The following CMTR2 variants were observed in gnomAD, a reference collection of about 807,000 sequenced individuals.
The protein encoded by CMTR2 is cap-specific mRNA (nucleoside-2'-O-)-methyltransferase 2.
In CMTR2, 40 loss-of-function variants were observed where a neutral mutation model predicts 49.8. That is an observed-to-expected ratio of 0.80 (90% confidence interval 0.62 to 1.04). The LOEUF (loss-of-function observed/expected upper bound fraction) is 1.04. CMTR2 is among the 50% of genes least tolerant of loss of function. The pLI is 0.00. For synonymous variants in CMTR2, 326 were observed against 315.8 expected (o/e 1.03, Z -0.34); for missense variants, 907 against 897.2 (o/e 1.01, Z -0.14).
intron 2 of CMTR2, chr16:71,286,389 C>A (rs1377294934): frequency 1.3e-5 from 2 of 152,918 alleles, no homozygotes; most frequent in African/African-American, 4.8e-5. Flanking sequence ...CAAATCCATC[C>A]TTAGAGATTC....
Position 71,285,429 on chromosome 16 carries a change from A to G in CMTR2, c.492T>C (p.Pro164=). The G allele has an allele frequency of 6.2e-7, 1 of 1,614,174 alleles. No individual in the cohort carries two copies. The highest frequency in any genetic ancestry group is 8.5e-7 in the Non-Finnish European group (1 of 1,179,998). ...LNHYLKSHRF[P]CHWSWVANTL... ...TATTCGCTACCCAACTCCAATGACA[A>G]GGAAACCGATGGGATTTTAAGTAGT... is the stretch of plus-strand genomic sequence containing the variant. The change falls in exon 3 of 3, where the codon CCT becomes CCC. Residue 164 remains proline, a synonymous_variant. Transcript: ENST00000434935.
chr16:71,287,824 TTAAAA>T (rs2041755759), intron 2 of CMTR2: 1 of 152,242 alleles, frequency 6.6e-6, no homozygotes, highest in Non-Finnish European at 1.5e-5. Flanking sequence ...CACTAAAATC[TTAAAA>T]TAAGGGCATA....
rs2041642248 is a variant in CMTR2, at chr16:71,283,296, C to A, written c.*312G>T. The stretch of plus-strand genomic sequence containing the variant: ...AAGGTACACAGATGCAAATCTTAAG[C>A]AGATTAAGTAAGACCAACTAAATGG... On this transcript the variant is annotated 3_prime_UTR_variant, in exon 3 of 3. Coordinates refer to ENST00000434935, the MANE Select transcript of CMTR2 (RefSeq NM_018348.6). 7.7e-6 allele frequency: 2 copies of A among 258,504 alleles called. No homozygotes were observed. The highest frequency in any genetic ancestry group is 5.0e-5 in the Admixed American group (1 of 19,820). 16.0% of individuals were successfully genotyped at this position (258,504 alleles called of 1,614,324 possible). A position where few individuals can be genotyped will look rare whatever the true frequency, so the allele number is the denominator to read the frequency against.
At position 71,283,640 on chromosome 16, in the gene CMTR2, C is replaced by A; in HGVS notation, c.2281G>T (p.Glu761Ter). 6.2e-7 allele frequency: 1 copy of A among 1,611,848 alleles called. No homozygotes were observed. Among genetic ancestry groups the A allele is most frequent in the Non-Finnish European group, 8.5e-7 (1 of 1,178,966 alleles). Residue 761 changes from glutamate to a stop codon, truncating the protein, a stop_gained, in exon 3 of 3, where the codon GAA (glutamate) becomes TAA (stop). Transcript: ENST00000434935. LOFTEE classifies it high-confidence loss of function. ...LHFIIQRERE[E>*]IINSLQLQN is the part of the protein sequence containing the mutation. ...TGTAACTGAAGGCTGTTGATAATTT[C>A]TTCTCTCTCTCTTTGAATAATGAAA...
Position 71,283,563 on chromosome 16 carries a change from G to T in CMTR2, c.*45C>A. 6.4e-7 allele frequency: 1 copy of T among 1,551,766 alleles called. No homozygotes were observed. The highest frequency in any genetic ancestry group is 8.7e-7 in the Non-Finnish European group (1 of 1,153,866). On this transcript the variant is annotated 3_prime_UTR_variant, in exon 3 of 3. Transcript: ENST00000434935. Reference sequence around the variant, plus strand: ...TAGAGCAACAGGATGCAAATACTGGGCAAATTATAAGAAATCATAAAGTTG... The same window carrying T: ...TAGAGCAACAGGATGCAAATACTGGTCAAATTATAAGAAATCATAAAGTTG...
rs761904935 is a variant in CMTR2, at chr16:71,283,719, G to A, written c.2202C>T (p.Ala734=). 2 of 1,613,718 alleles carry A rather than the reference G, an allele frequency of 1.2e-6. No homozygotes were observed. The highest frequency in any genetic ancestry group is 2.7e-5 in the African/African-American group (2 of 74,872). The change falls in exon 3 of 3, where the codon GCC becomes GCT. Residue 734 remains alanine, a synonymous_variant. Transcript: ENST00000434935. ...TCAAATCCCACAAAAAATCAAGCAG[G>A]GCCCCCTTAAGGAGTACCTCCATTG... is the stretch of plus-strand genomic sequence containing the variant. ...FVPMEVLLKG[A]LLDFLWDLNA...
Position 71,282,593 on chromosome 16 carries a change from G to A in CMTR2, c.*1015C>T, listed in dbSNP as rs2041628680. Reference sequence around the variant, plus strand: ...GATACAAAAGAAATCAAATGTAACTGGCAAAATAACCATTTCATGGCTAAT... The same window carrying A: ...GATACAAAAGAAATCAAATGTAACTAGCAAAATAACCATTTCATGGCTAAT... On this transcript the variant is annotated 3_prime_UTR_variant, in exon 3 of 3. Transcript: ENST00000434935. 1 of 151,836 alleles carries A rather than the reference G, an allele frequency of 6.6e-6. No homozygotes were observed. Among genetic ancestry groups the A allele is most frequent in the African/African-American group, 2.4e-5 (1 of 41,350 alleles). The allele number at this position is 151,836 out of a possible 1,614,324, so 9.4% of individuals were successfully genotyped here.
intron 2 of CMTR2, 45 bp downstream of exon 2, chr16:71,288,833 G>C (rs2041777844): frequency 6.6e-6 from 1 of 152,118 alleles, no homozygotes; most frequent in Non-Finnish European, 1.5e-5. Context: ...GCCCAAATTA[G>C]TGAACCCAAA....
At position 71,284,472 on chromosome 16, in the gene CMTR2, T is replaced by C; in HGVS notation, c.1449A>G (p.Glu483=). The C allele has an allele frequency of 1.2e-6, 2 of 1,614,004 alleles. No homozygotes were observed. The highest frequency in any genetic ancestry group is 1.7e-6 in the Non-Finnish European group (2 of 1,179,952). ...VYHPGQSSIL[E]GTASNLECHL... ...GACACTCAAGATTGGAAGCTGTTCC[T>C]TCTAAAATAGAACTCTGCCCAGGAT... The change falls in exon 3 of 3, where the codon GAA becomes GAG. Residue 483 remains glutamate (E), a synonymous_variant. Coordinates refer to ENST00000434935, the MANE Select transcript of CMTR2 (RefSeq NM_018348.6).
chr16:71,283,538 T>G lies in CMTR2; in HGVS notation c.*70A>C. 1 of 1,506,420 alleles carries G rather than the reference T, an allele frequency of 6.6e-7. No individual in the cohort carries two copies. The highest frequency in any genetic ancestry group is 1.4e-5 in the South Asian group (1 of 73,074). 93.3% of individuals were successfully genotyped at this position (1,506,420 alleles called of 1,614,324 possible). A position where few individuals can be genotyped will look rare whatever the true frequency, so the allele number is the denominator to read the frequency against. ...CCAAAATAAAAGGTTTTTAAATTAATAGAGCAACAGGATGCAAATACTGGG... is the reference window on the plus strand; with the variant it reads ...CCAAAATAAAAGGTTTTTAAATTAAGAGAGCAACAGGATGCAAATACTGGG... On this transcript the variant is annotated 3_prime_UTR_variant, in exon 3 of 3. Transcript: ENST00000434935.
At chr16:71,286,011 G>A (rs1019670545) in intron 2 of CMTR2, 72 bp from the exon 3 acceptor site, 8 of 1,106,374 alleles carry the variant, frequency 7.2e-6, no homozygotes, top group South Asian at 3.3e-5. Flanking sequence ...CAGCAAATAC[G>A]ATCACACTCA....
rs1325226941 is a variant in CMTR2 at position 71,282,059 on chromosome 16, TC to T, written c.*1548del. 6.6e-6 allele frequency: 1 copy of T among 151,834 alleles called. No individual in the cohort carries two copies. The highest frequency in any genetic ancestry group is 2.4e-5 in the African/African-American group (1 of 41,362). The allele number at this position is 151,834 out of a possible 1,614,324, so 9.4% of individuals were successfully genotyped here. Reference sequence around the variant, plus strand: ...TCACCAGTAGGAAATCAGATTTCTTTCAAAAATCTACTTCCAGGCCTCCACA... The same window carrying T: ...TCACCAGTAGGAAATCAGATTTCTTTAAAAATCTACTTCCAGGCCTCCACA... On this transcript the variant is annotated 3_prime_UTR_variant, in exon 3 of 3. Transcript: ENST00000434935.
At position 71,285,314 on chromosome 16, in the gene CMTR2, C is replaced by G. The variant is rs781195849; in HGVS notation, c.607G>C (p.Gly203Arg). Residue 203 changes from glycine (G) to arginine (R), a missense_variant, in exon 3 of 3, where the codon GGT becomes CGT. Physicochemically the swap from Gly to Arg is moderately radical, Grantham distance 125. Coordinates refer to ENST00000434935, the MANE Select transcript of CMTR2 (RefSeq NM_018348.6). ...ATGATATCACCAGTGTTATCTGGAC[C>G]AAAGTACCACCAGTGCAAGGTATTT... ...IANTLHWWYF[G>R]PDNTGDIMTL... 1 of 1,614,050 alleles carries G rather than the reference C, an allele frequency of 6.2e-7. No homozygotes were observed. The highest frequency in any genetic ancestry group is 1.7e-5 in the Admixed American group (1 of 60,018).
intron 2 of CMTR2, 108 bp from the exon 3 acceptor site, chr16:71,286,047 C>CTAAA: frequency 2.6e-6 from 2 of 769,580 alleles, no homozygotes; most frequent in Non-Finnish European, 4.0e-6. Flanking sequence ...AATGGGAAGG[C>CTAAA]TAAAGTCAGC....
At position 71,284,574 on chromosome 16, in the gene CMTR2, C is replaced by T. The variant is rs767994557; in HGVS notation, c.1347G>A (p.Met449Ile). Residue 449 changes from methionine to isoleucine, a missense_variant, in exon 3 of 3, where the codon ATG becomes ATA. Met to Ile is a conservative substitution (Grantham distance 10, BLOSUM62 1). Transcript: ENST00000434935. ...KYFKTYNERK[M>I]LEALSWKDKV... ...TATCTTTCCATGAAAGGGCTTCTAG[C>T]ATCTTCCTTTCATTATAAGTTTTAA... 1.2e-6 allele frequency: 2 copies of T among 1,613,842 alleles called. No individual in the cohort carries two copies. The highest frequency in any genetic ancestry group is 1.7e-6 in the Non-Finnish European group (2 of 1,179,910).
intron 2 of CMTR2, chr16:71,286,548 T>C (rs561593677): frequency 2.0e-5 from 3 of 152,240 alleles, no homozygotes; most frequent in South Asian, 2.1e-4. Context: ...ACCTCACTAG[T>C]AGGATTGTTG....
In CMTR2 at chr16:71,285,255, G is replaced by GA; in HGVS notation, c.665dup (p.Ile223HisfsTer17). 6.2e-7 allele frequency: 1 copy of GA among 1,614,076 alleles called. No homozygotes were observed. Among genetic ancestry groups the GA allele is most frequent in the East Asian group, 2.2e-5 (1 of 44,884 alleles). Reference sequence around the variant, plus strand: ...AGTGAACAGTAGCCATGCTGCTTATGAAATTCTGAAGTCCAGTCAAGAATT... The same window carrying GA: ...AGTGAACAGTAGCCATGCTGCTTATGAAAATTCTGAAGTCCAGTCAAGAATT... On this transcript the variant is annotated frameshift_variant, in exon 3 of 3. Transcript: ENST00000434935. LOFTEE classifies it high-confidence loss of function.
At position 71,282,616 on chromosome 16, in the gene CMTR2, A is replaced by C. The variant is rs752321634; in HGVS notation, c.*992T>G. 2.0e-5 allele frequency: 3 copies of C among 152,140 alleles called. No homozygotes were observed. Among genetic ancestry groups the C allele is most frequent in the Admixed American group, 6.5e-5 (1 of 15,280 alleles). The allele number at this position is 152,140 out of a possible 1,614,324, so 9.4% of individuals were successfully genotyped here. A position where few individuals can be genotyped will look rare whatever the true frequency, so the allele number is the denominator to read the frequency against. On this transcript the variant is annotated 3_prime_UTR_variant, in exon 3 of 3. Transcript: ENST00000434935. ...CTGGCAAAATAACCATTTCATGGCT[A>C]ATCTTTTGGTAAAGTGCTATTTTCA... is the stretch of plus-strand genomic sequence containing the variant.
chr16:71,283,444 C>T lies in CMTR2; in HGVS notation c.*164G>A. On this transcript the variant is annotated 3_prime_UTR_variant, in exon 3 of 3. Transcript: ENST00000434935. ...GCTCTATGCCTGTGGGTGTATATAC[C>T]CTAGAGATCAGAATGGATGGTTTTC... 1.3e-6 allele frequency: 1 copy of T among 777,580 alleles called. No individual in the cohort carries two copies. The highest frequency in any genetic ancestry group is 2.7e-5 in the East Asian group (1 of 37,140). The allele number at this position is 777,580 out of a possible 1,614,324, so 48.2% of individuals were successfully genotyped here.
Sources: allele counts gnomAD v4.1 joint callset, GRCh38; gene constraint gnomAD v4.1.1; transcripts MANE v1.5; gene names NCBI Gene and HGNC (gene_info 2026-07-23, HGNC 2026-07-21).